The following ELP1 variants were observed in gnomAD, a reference collection of about 807,000 sequenced individuals.
ELP1 encodes elongator complex protein 1.
ELP1 carries 131 observed loss-of-function variants against 183.2 expected under a neutral mutation model. The observed-to-expected ratio is 0.72, with a 90% CI of 0.62 to 0.83. The LOEUF (loss-of-function observed/expected upper bound fraction) is 0.83, where lower values mean the gene tolerates loss of function less well. Among genes scored for constraint, ELP1 ranks in the 40% least tolerant of loss-of-function variants. ELP1 has a pLI of 0.00. For synonymous variants in ELP1, 555 were observed against 569.0 expected (o/e 0.98, Z 0.35); for missense variants, 1,550 against 1,594.9 (o/e 0.97, Z 0.48).
At chr9:108,897,886 G>A (rs1443861594) in intron 22 of ELP1, among the ~76,000 whole-genome samples, 1 of 152,122 alleles carries the variant, frequency 6.6e-6, no homozygotes, top group African/African-American at 2.4e-5. Flanking sequence ...CTTAAGATTT[G>A]GACATTTCAC....
chr9:108,903,633 T>A lies in ELP1; in HGVS notation c.1680A>T (p.Leu560=). The A allele has an allele frequency of 6.2e-7, 1 of 1,613,962 alleles. No homozygotes were observed. ...SAAVDGVIIS[L]CCNSKTKSVV... ...CTGACTTGGTCTTGGAATTGCAACA[T>A]AGACTGATTATGACCCCATCCACCG... Residue 560 remains leucine (L), a synonymous_variant, in exon 15 of 37, where the codon CTA becomes CTT. Transcript: ENST00000374647.
In ELP1 at chr9:108,927,493, G is replaced by A. The variant is rs371210252; in HGVS notation, c.304-40C>T. On this transcript the variant is annotated intron_variant, in intron 3 of 36. Transcript: ENST00000374647. The stretch of plus-strand genomic sequence containing the variant: ...ATTGAAAAGAGAGATTCAAACACTA[G>A]CATCTCAGTAAAAACTGACTGCAAC... 4.0e-6 allele frequency: 6 copies of A among 1,497,990 alleles called. No homozygotes were observed. In the African/African-American group the frequency reaches 8.3e-5, roughly 21 times the overall value. 92.8% of individuals were successfully genotyped at this position (1,497,990 alleles called of 1,614,324 possible). A position where few individuals can be genotyped will look rare whatever the true frequency, so the allele number is the denominator to read the frequency against.
chr9:108,926,694 A>G, intron 4 of ELP1, 91 bp from the exon 5 acceptor site: 1 of 896,594 alleles, frequency 1.1e-6, no homozygotes. Flanking sequence ...AAGGAGCTGG[A>G]GTTAGTCTGA....
In ELP1 at chr9:108,892,996, T is replaced by G. The variant is rs749200669; in HGVS notation, c.2948A>C (p.Gln983Pro). ...EALKLYSPSSQQYQDISIAYG... is the reference protein window; with the variant it reads ...EALKLYSPSSPQYQDISIAYG... The stretch of plus-strand genomic sequence containing the variant: ...TCACATACCACATACCTGGTACTGT[T>G]GTGAGCTTGGTGAATATAACTTCAG... Residue 983 changes from glutamine (Q) to proline (P), a missense_variant, in exon 27 of 37, where the codon CAA becomes CCA. Gln to Pro is a moderately conservative substitution (Grantham distance 76). Coordinates refer to ENST00000374647, the MANE Select transcript of ELP1 (RefSeq NM_003640.5). The G allele has an allele frequency of 6.2e-7, 1 of 1,612,456 alleles. No individual in the cohort carries two copies. Among genetic ancestry groups the G allele is most frequent in the African/African-American group, 1.3e-5 (1 of 74,908 alleles).
chr9:108,881,148 G>A (rs1827914708), intron 31 of ELP1, among the ~76,000 whole-genome samples: 1 of 152,126 alleles, frequency 6.6e-6, no homozygotes, highest in Non-Finnish European at 1.5e-5. Flanking sequence ...TTGAAACGTT[G>A]AAACCTACAT....
chr9:108,908,973 G>A (rs1314192591), intron 12 of ELP1, among the ~76,000 whole-genome samples: 1 of 152,016 alleles, frequency 6.6e-6, no homozygotes, highest in African/African-American at 2.4e-5. Context: ...AACACAACAG[G>A]CACTTCGGTG....
chr9:108,908,535 C>T, intron 12 of ELP1, 131 bp from the exon 13 acceptor site: 4 of 717,058 alleles, frequency 5.6e-6, no homozygotes, highest in Non-Finnish European at 2.5e-6. Context: ...ATCTCAACCT[C>T]CTTAAAATTT....
intron 36 of ELP1, among the ~76,000 whole-genome samples, chr9:108,873,325 T>C (rs1047688126): frequency 6.6e-6 from 1 of 152,242 alleles, no homozygotes; most frequent in Admixed American, 6.5e-5. Context: ...GATGTGCCAA[T>C]ATACTTAACT....
At chr9:108,886,583 G>C (rs1828130075) in intron 29 of ELP1, among the ~76,000 whole-genome samples, 1 of 152,158 alleles carries the variant, frequency 6.6e-6, no homozygotes, top group South Asian at 2.1e-4. Flanking sequence ...CTTCATAGTT[G>C]AAAATGCATT....
At chr9:108,882,345 T>C (rs1286308111) in intron 29 of ELP1, among the ~76,000 whole-genome samples, 158 bp from the exon 30 acceptor site, 1 of 152,124 alleles carries the variant, frequency 6.6e-6, no homozygotes, top group East Asian at 1.9e-4. Context: ...CATGACTCCA[T>C]AAATATTGAT....
At chr9:108,888,680 G>A (rs924494579) in intron 29 of ELP1, among the ~76,000 whole-genome samples, 3 of 152,050 alleles carry the variant, frequency 2.0e-5, no homozygotes, top group African/African-American at 7.2e-5. Flanking sequence ...TTACACAAGA[G>A]ACAATTAAAT....
intron 17 of ELP1, 27 bp downstream of exon 17, chr9:108,901,601 A>C (rs1828812606): frequency 6.2e-7 from 1 of 1,613,758 alleles, no homozygotes. Context: ...TGTGAAAAGG[A>C]TCCAACACCA....
intron 8 of ELP1, 151 bp from the exon 9 acceptor site, chr9:108,917,821 G>A: frequency 1.1e-6 from 1 of 894,776 alleles, no homozygotes; most frequent in East Asian, 2.5e-5. Context: ...AATCCCATGT[G>A]TCCCTTGTCT....
At position 108,894,245 on chromosome 9, in the gene ELP1, G is replaced by A. The variant is rs11793522; in HGVS notation, c.2737-179C>T. ...TACAGTTGTCCCCCAGTATCTATGGGGAATTGGTTCCAGGACACCCCAAGG... is the reference window on the plus strand; with the variant it reads ...TACAGTTGTCCCCCAGTATCTATGGAGAATTGGTTCCAGGACACCCCAAGG... On this transcript the variant is annotated intron_variant, in intron 25 of 36. Coordinates refer to ENST00000374647, the MANE Select transcript of ELP1 (RefSeq NM_003640.5). 0.35 allele frequency among the ~76,000 whole-genome samples: 52,835 copies of A among 151,964 alleles called. 10,917 individuals are homozygous for A. Among genetic ancestry groups the A allele is most frequent in the Non-Finnish European group, 0.45 (30,797 of 67,954 alleles).
At chr9:108,885,701 G>A (rs920426942) in intron 29 of ELP1, among the ~76,000 whole-genome samples, 14 of 152,192 alleles carry the variant, frequency 9.2e-5, no homozygotes, top group African/African-American at 2.9e-4. Context: ...ATTGGTATAA[G>A]CAAGAGGCTA....
intron 15 of ELP1, 70 bp downstream of exon 15, chr9:108,903,493 A>T (rs1243666115): frequency 1.9e-6 from 2 of 1,040,034 alleles, no homozygotes; most frequent in Non-Finnish European, 3.0e-6. Context: ...GACAAGATAC[A>T]AGTACATGTT....
chr9:108,895,564 G>A (rs762080442), intron 25 of ELP1, among the ~76,000 whole-genome samples: 8 of 152,136 alleles, frequency 5.3e-5, no homozygotes, highest in Non-Finnish European at 7.3e-5. Context: ...ACCAAGAAGT[G>A]AGAATGGAAA....
intron 5 of ELP1, among the ~76,000 whole-genome samples, chr9:108,924,331 C>A (rs1477487021): frequency 6.6e-6 from 1 of 152,102 alleles, no homozygotes; most frequent in African/African-American, 2.4e-5. Flanking sequence ...TAGCCCTTTT[C>A]AGAACAAGTC....
At chr9:108,869,296 A>C in intron 36 of ELP1, 114 bp from the exon 37 acceptor site, 1 of 883,346 alleles carries the variant, frequency 1.1e-6, no homozygotes, top group East Asian at 2.4e-5. Flanking sequence ...CAATAAGACC[A>C]TCAGAGCCAG....
Sources: allele counts gnomAD v4.1 joint callset (sites outside exome capture counted in the v4.1 genomes callset), GRCh38; gene constraint gnomAD v4.1.1; transcripts MANE v1.5; gene names NCBI Gene and HGNC (gene_info 2026-07-23, HGNC 2026-07-21).